The following ITGB3BP variants were observed in gnomAD, a reference collection of about 807,000 sequenced individuals.
ITGB3BP encodes the protein integrin subunit beta 3 binding protein, also known as centromere protein R.
In ITGB3BP, 27 loss-of-function variants were observed where a neutral mutation model predicts 29.1. The observed-to-expected ratio is 0.93, with a 90% CI of 0.68 to 1.28. The LOEUF (loss-of-function observed/expected upper bound fraction) is 1.28, where lower values mean the gene tolerates loss of function less well. Among genes scored for constraint, ITGB3BP ranks in the 50% most tolerant of loss-of-function variants. The probability of loss-of-function intolerance (pLI) is 0.00; values close to 1 mark genes in which losing one functional copy is unlikely to be tolerated. For synonymous variants in ITGB3BP, 61 were observed against 61.4 expected (o/e 0.99, Z 0.03); for missense variants, 192 against 200.2 (o/e 0.96, Z 0.25).
intron 1 of ITGB3BP, among the ~76,000 whole-genome samples, chr1:63,515,317 T>C (rs1646290731): frequency 6.6e-6 from 1 of 152,190 alleles, no homozygotes; most frequent in Non-Finnish European, 1.5e-5. Context: ...ATTTCTGGAC[T>C]TTCTATTCTA....
intron 2 of ITGB3BP, among the ~76,000 whole-genome samples, chr1:63,507,244 C>G (rs1450117826): frequency 1.3e-5 from 2 of 152,124 alleles, no homozygotes; most frequent in African/African-American, 4.8e-5. Context: ...TCAGTTGGTA[C>G]AAGCTTAAAT....
intron 3 of ITGB3BP, among the ~76,000 whole-genome samples, chr1:63,485,669 G>A (rs1338449510): frequency 6.6e-6 from 1 of 151,978 alleles, no homozygotes; most frequent in Non-Finnish European, 1.5e-5. Context: ...ATCTGTGAGT[G>A]GCAAACTCTC....
chr1:63,515,825 TAAAAAAAAAAAAA>T (rs76881362), intron 1 of ITGB3BP, among the ~76,000 whole-genome samples: 1 of 48,594 alleles, frequency 2.1e-5, no homozygotes, highest in African/African-American at 8.5e-5. Flanking sequence ...GACTCCAACT[TAAAAAAAAAAAAA>T]AAAAAAAAAA....
chr1:63,523,259 C>T (rs570293000), upstream of ITGB3BP: 149 of 1,319,082 alleles, frequency 1.1e-4, no homozygotes, highest in Admixed American at 2.6e-3. Flanking sequence ...GTCAAGCCCA[C>T]CGCGGCCGGG....
intron 1 of ITGB3BP, 89 bp from the exon 2 acceptor site, chr1:63,508,659 T>C (rs1162589072): frequency 1.7e-6 from 1 of 586,726 alleles, no homozygotes; most frequent in Non-Finnish European, 2.9e-6. Flanking sequence ...TAAACAAAGA[T>C]TCTTAGTTCT....
chr1:63,462,891 A>T (rs974505861), intron 4 of ITGB3BP, among the ~76,000 whole-genome samples: 1 of 152,230 alleles, frequency 6.6e-6, no homozygotes, highest in Non-Finnish European at 1.5e-5. Flanking sequence ...GTTAGTGCAG[A>T]AATAACAAAA....
At chr1:63,484,984 C>A (rs932405058) in intron 3 of ITGB3BP, among the ~76,000 whole-genome samples, 2 of 151,908 alleles carry the variant, frequency 1.3e-5, no homozygotes, top group African/African-American at 2.4e-5. Context: ...TCAATAAATC[C>A]TTTTAGGCAT....
upstream of ITGB3BP, chr1:63,523,322 G>A (rs113840957): frequency 1.4e-6 from 1 of 719,614 alleles, no homozygotes. Context: ...GCAAAGGAGC[G>A]AGCGGGGAGT....
At chr1:63,452,717 C>T (rs1057815) in intron 7 of ITGB3BP, among the ~76,000 whole-genome samples, 111,295 of 151,642 alleles carry the variant, frequency 0.73, 42,907 homozygotes, top group Non-Finnish European at 0.85. Context: ...TCACAGTAGA[C>T]GTTAGTTGTT....
At chr1:63,525,451 G>T, upstream of ITGB3BP, 2 of 727,234 alleles carry the variant, frequency 2.8e-6, no homozygotes, top group Non-Finnish European at 4.2e-6. Flanking sequence ...TTTCATATAT[G>T]TTATAAATTT....
intron 8 of ITGB3BP, among the ~76,000 whole-genome samples, chr1:63,444,487 GATATATATATTACATATA>G (rs1644765654): frequency 7.0e-6 from 1 of 143,214 alleles, no homozygotes; most frequent in African/African-American, 2.6e-5. Context: ...TTACATATAG[GATATATATATTACATATA>G]GGATATATAT....
rs538986048 is a variant in ITGB3BP, at chr1:63,463,994, T to C, written c.255-9026A>G. 1.2e-3 allele frequency among the ~76,000 whole-genome samples: 188 copies of C among 152,200 alleles called. 1 individual carries two copies. The highest frequency in any genetic ancestry group is 3.8e-3 in the African/African-American group (159 of 41,550). On this transcript the variant is annotated intron_variant, in intron 4 of 8. Coordinates refer to ENST00000271002, the MANE Select transcript of ITGB3BP (RefSeq NM_014288.5). Reference sequence around the variant, plus strand: ...AAATAAATGAAACTGCTTAATTTTATGGAAATAAACATAGGAAAGGTAAAT... The same window carrying C: ...AAATAAATGAAACTGCTTAATTTTACGGAAATAAACATAGGAAAGGTAAAT...
At chr1:63,467,762 C>T (rs1347054753) in intron 4 of ITGB3BP, among the ~76,000 whole-genome samples, 1 of 152,056 alleles carries the variant, frequency 6.6e-6, no homozygotes, top group African/African-American at 2.4e-5. Context: ...GGGTAGGGGC[C>T]AAGGATGTTG....
intron 7 of ITGB3BP, among the ~76,000 whole-genome samples, chr1:63,448,040 G>A (rs1369840920): frequency 2.0e-5 from 3 of 151,670 alleles, no homozygotes; most frequent in African/African-American, 7.3e-5. Flanking sequence ...GGACATGGAC[G>A]AAATTGGAAA....
intron 7 of ITGB3BP, among the ~76,000 whole-genome samples, chr1:63,448,296 T>A (rs1473303853): frequency 6.6e-6 from 1 of 150,454 alleles, no homozygotes; most frequent in Non-Finnish European, 1.5e-5. Flanking sequence ...AACCTGCACA[T>A]TGTGCACATG....
intron 1 of ITGB3BP, among the ~76,000 whole-genome samples, chr1:63,521,763 C>G (rs1646453010): frequency 6.6e-6 from 1 of 152,066 alleles, no homozygotes; most frequent in Non-Finnish European, 1.5e-5. Context: ...GCCTGGGCAA[C>G]AGAGCCAGAC....
intron 3 of ITGB3BP, among the ~76,000 whole-genome samples, chr1:63,483,802 C>CT: frequency 6.6e-6 from 1 of 152,124 alleles, no homozygotes; most frequent in Non-Finnish European, 1.5e-5. Flanking sequence ...TGTTTAAATA[C>CT]ACCAATACCA....
chr1:63,492,852 T>C (rs2100690396), intron 2 of ITGB3BP, among the ~76,000 whole-genome samples: 1 of 152,342 alleles, frequency 6.6e-6, no homozygotes, highest in South Asian at 2.1e-4. Flanking sequence ...TTCATGCCTG[T>C]TATCCCAGCA....
Position 63,504,291 on chromosome 1 carries a change from C to T in ITGB3BP, c.48+4237G>A, listed in dbSNP as rs1386569935. ...TTTGAAGCAATTGTGAATGGGAGTT[C>T]ACTCATGATTTGGCTCTGTTTGTCT... On this transcript the variant is annotated intron_variant, in intron 2 of 8. Coordinates refer to ENST00000271002, the MANE Select transcript of ITGB3BP (RefSeq NM_014288.5). 2.0e-5 allele frequency among the ~76,000 whole-genome samples: 3 copies of T among 151,994 alleles called. No individual in the cohort carries two copies. The East Asian group carries it at 5.8e-4, about 29-fold the overall frequency.
Sources: gnomAD v4.1 joint callset for allele counts (sites outside exome capture counted in the v4.1 genomes callset) on GRCh38, gnomAD v4.1.1 for gene constraint, MANE v1.5 for transcripts, NCBI Gene and HGNC (gene_info 2026-07-23, HGNC 2026-07-21) for gene names.